Variants in RBPJ observed in about 807,000 individuals in gnomAD.
The protein encoded by RBPJ is recombining binding protein suppressor of hairless.
A neutral mutation model predicts 67.8 loss-of-function variants in RBPJ; 9 were observed. The observed-to-expected ratio is 0.13, with a 90% CI of 0.08 to 0.23. The LOEUF (loss-of-function observed/expected upper bound fraction) is 0.23. RBPJ is among the 10% of genes least tolerant of loss of function. RBPJ has a pLI of 1.00. For synonymous variants in RBPJ, 198 were observed against 203.3 expected (o/e 0.97, Z 0.22); for missense variants, 305 against 595.6 (o/e 0.51, Z 5.08).
chr4:26,269,287 G>A (rs886933317), intron 1 of RBPJ, among the ~76,000 whole-genome samples: 1 of 150,042 alleles, frequency 6.7e-6, no homozygotes, highest in South Asian at 2.1e-4. Context: ...ACAGGGTCTC[G>A]CTCCATCGTC....
rs749250893 is a variant in RBPJ at position 26,415,601 on chromosome 4, T to C, written c.282T>C (p.Asn94=). Residue 94 remains asparagine, a synonymous_variant, in exon 4 of 11, where the codon AAT becomes AAC. Transcript: ENST00000355476. ...SQPCAFIGIG[N]SDQEMQQLNL... is the part of the protein sequence containing the mutation. ...CGTGTGCATTTATTGGGATAGGAAA[T>C]AGTGACCAAGAAATGCAGCAGCTAA... The C allele has an allele frequency of 5.0e-6, 8 of 1,610,310 alleles. No homozygotes were observed. The highest frequency in any genetic ancestry group is 1.7e-5 in the Admixed American group (1 of 59,138).
At chr4:26,132,947 T>A in the RBPJ span, among the ~76,000 whole-genome samples, 1 of 152,190 alleles carries the variant, frequency 6.6e-6, no homozygotes, top group Non-Finnish European at 1.5e-5. Flanking sequence ...TATTGGTAGC[T>A]CTGCCTCCCT....
At chr4:26,309,744 A>G (rs994306547) in intron 1 of RBPJ, among the ~76,000 whole-genome samples, 1 of 152,186 alleles carries the variant, frequency 6.6e-6, no homozygotes, top group Non-Finnish European at 1.5e-5. Flanking sequence ...AAATTTAAGT[A>G]TATTCCCTTA....
In RBPJ at chr4:26,344,832, T is replaced by C. The variant is rs372043768; in HGVS notation, c.20+23784T>C. Among the ~76,000 whole-genome samples the C allele has an allele frequency of 2.6e-5, 4 of 152,322 alleles. 1 individual carries two copies. The East Asian group carries it at 7.7e-4, about 29-fold the overall frequency. ...TATATTTGCAAATCTCTGAACTGTTTATATGTATGAATCTCATCATAATAG... is the reference window on the plus strand; with the variant it reads ...TATATTTGCAAATCTCTGAACTGTTCATATGTATGAATCTCATCATAATAG... On this transcript the variant is annotated intron_variant, in intron 1 of 10. Transcript: ENST00000355476.
chr4:26,232,231 C>A (rs1377478081), intron 1 of RBPJ, among the ~76,000 whole-genome samples: 2 of 152,104 alleles, frequency 1.3e-5, no homozygotes, highest in African/African-American at 2.4e-5. Context: ...ATTTTAATAT[C>A]TTTTTATTTT....
At chr4:26,294,021 G>A (rs911352535) in intron 1 of RBPJ, among the ~76,000 whole-genome samples, 1 of 152,092 alleles carries the variant, frequency 6.6e-6, no homozygotes, top group East Asian at 1.9e-4. Context: ...ACCTCCCAAA[G>A]TGCTGGGATT....
intron 1 of RBPJ, among the ~76,000 whole-genome samples, chr4:26,382,855 T>A (rs1730463804): frequency 6.6e-6 from 1 of 152,240 alleles, no homozygotes; most frequent in Non-Finnish European, 1.5e-5. Context: ...TTATGCATTG[T>A]CAACCTGCCT....
chr4:26,335,384 G>T (rs537977898), intron 1 of RBPJ, among the ~76,000 whole-genome samples: 1 of 152,028 alleles, frequency 6.6e-6, no homozygotes, highest in East Asian at 2.0e-4. Context: ...GTTTCACCAT[G>T]TTGGCCAGGA....
intron 1 of RBPJ, among the ~76,000 whole-genome samples, chr4:26,303,604 T>C (rs1229085112): frequency 6.6e-6 from 1 of 152,086 alleles, no homozygotes; most frequent in Non-Finnish European, 1.5e-5. Context: ...TTTATAGAAG[T>C]ATATGACTTA....
At chr4:26,257,309 C>T (rs1720372388) in intron 1 of RBPJ, among the ~76,000 whole-genome samples, 1 of 152,202 alleles carries the variant, frequency 6.6e-6, no homozygotes, top group Admixed American at 6.5e-5. Context: ...CTATTATTCC[C>T]ATTTTACTGG....
In RBPJ at chr4:26,431,023, T is replaced by C. The variant is rs1020925084; in HGVS notation, c.*16T>C. On this transcript the variant is annotated 3_prime_UTR_variant, in exon 11 of 11. Coordinates refer to ENST00000355476, the MANE Select transcript of RBPJ (RefSeq NM_015874.6). ...GGTATCCTAACTACCGTCTTTTTGCTAGGACTTAAACTGACTTGAGTGTGG... is the reference window on the plus strand; with the variant it reads ...GGTATCCTAACTACCGTCTTTTTGCCAGGACTTAAACTGACTTGAGTGTGG... 6.2e-7 allele frequency: 1 copy of C among 1,606,772 alleles called. No homozygotes were observed. Among genetic ancestry groups the C allele is most frequent in the Non-Finnish European group, 8.5e-7 (1 of 1,174,564 alleles).
chr4:26,407,768 G>C (rs192627971), intron 3 of RBPJ, among the ~76,000 whole-genome samples: 1 of 151,694 alleles, frequency 6.6e-6, no homozygotes, highest in Non-Finnish European at 1.5e-5. Context: ...ATGCTTAAGA[G>C]AAGGGAAATG....
intron 1 of RBPJ, among the ~76,000 whole-genome samples, chr4:26,381,038 G>A (rs1414407285): frequency 7.2e-6 from 1 of 138,390 alleles, no homozygotes; most frequent in African/African-American, 2.7e-5. Context: ...TTTTTTTTTG[G>A]TAGCAGTGTA....
At chr4:26,407,883 CTTTTTTTTTTTT>C (rs61575988) in intron 3 of RBPJ, among the ~76,000 whole-genome samples, 16 of 63,628 alleles carry the variant, frequency 2.5e-4, no homozygotes, top group East Asian at 1.1e-3. Context: ...AGCTTTCTTT[CTTTTTTTTTTTT>C]TTTTTTTTTT....
Position 26,388,764 on chromosome 4 carries a change from A to G in RBPJ, c.59+2373A>G, listed in dbSNP as rs1468597591. The stretch of plus-strand genomic sequence containing the variant: ...GATACTATCTAAAATGAAGCACACA[A>G]AGAAAAAGTCTGAAAAAAGTGGTGA... On this transcript the variant is annotated intron_variant, in intron 2 of 10. Coordinates refer to ENST00000355476, the MANE Select transcript of RBPJ (RefSeq NM_015874.6). Among the ~76,000 whole-genome samples, 3 of 152,210 alleles carry G rather than the reference A, an allele frequency of 2.0e-5. 1 individual carries two copies.
chr4:26,374,313 T>A (rs1226694827), intron 1 of RBPJ, among the ~76,000 whole-genome samples: 1 of 152,144 alleles, frequency 6.6e-6, no homozygotes, highest in Non-Finnish European at 1.5e-5. Context: ...CCTTGCAAAA[T>A]TTAGTCAGTA....
chr4:26,206,497 G>A (rs1342420057), intron 1 of RBPJ, among the ~76,000 whole-genome samples: 1 of 152,062 alleles, frequency 6.6e-6, no homozygotes, highest in Non-Finnish European at 1.5e-5. Context: ...AAGTATCTTT[G>A]GAAAGTAATT....
chr4:26,400,845 A>C (rs1177893494), intron 2 of RBPJ, among the ~76,000 whole-genome samples: 1 of 152,238 alleles, frequency 6.6e-6, no homozygotes, highest in Admixed American at 6.5e-5. Flanking sequence ...AGTTACATCC[A>C]GTAGTAGAAG....
At chr4:26,395,786 T>G (rs1732059941) in intron 2 of RBPJ, among the ~76,000 whole-genome samples, 1 of 152,232 alleles carries the variant, frequency 6.6e-6, no homozygotes, top group African/African-American at 2.4e-5. Context: ...GACGATTATA[T>G]GTTCATATTT....
Sources: gnomAD v4.1 joint callset for allele counts (sites outside exome capture counted in the v4.1 genomes callset) on GRCh38, gnomAD v4.1.1 for gene constraint, MANE v1.5 for transcripts, NCBI Gene and HGNC (gene_info 2026-07-23, HGNC 2026-07-21) for gene names.